Variants in CLIC4 observed in about 807,000 individuals in gnomAD.
CLIC4 encodes CLIC family member 4.
Under a neutral mutation model 24.6 loss-of-function variants are expected in CLIC4, and 13 were observed. That is an observed-to-expected ratio of 0.53 (90% CI 0.34 to 0.84). CLIC4 has a LOEUF of 0.84. CLIC4 is among the 40% of genes least tolerant of loss of function. CLIC4 has a pLI of 0.01. For missense variants in CLIC4, 227 were observed against 301.7 expected, an observed-to-expected ratio of 0.75 and a Z score of 1.83; for synonymous variants, 104 against 111.3, an observed-to-expected ratio of 0.93 and a Z score of 0.41.
intron 1 of CLIC4, among the ~76,000 whole-genome samples, chr1:24,746,086 T>A (rs1259572049): frequency 6.6e-6 from 1 of 152,090 alleles, no homozygotes; most frequent in African/African-American, 2.4e-5. Context: ...AACGAACTTC[T>A]TTGAACGCGT....
intron 1 of CLIC4, among the ~76,000 whole-genome samples, chr1:24,746,940 G>A (rs1434237124): frequency 6.6e-6 from 1 of 152,054 alleles, no homozygotes; most frequent in African/African-American, 2.4e-5. Context: ...AGTGAGCCAC[G>A]TCGCACCACT....
intron 3 of CLIC4, among the ~76,000 whole-genome samples, chr1:24,826,201 A>T (rs1639785565): frequency 6.6e-6 from 1 of 152,232 alleles, no homozygotes; most frequent in African/African-American, 2.4e-5. Flanking sequence ...TTGACAACAC[A>T]ATAGAACACT....
At chr1:24,839,744 C>T in intron 4 of CLIC4, 116 bp from the exon 5 acceptor site, 1 of 890,676 alleles carries the variant, frequency 1.1e-6, no homozygotes. Context: ...TCTACAGTAC[C>T]TTGTTTCAGA....
At chr1:24,830,671 T>C (rs1403507205) in intron 4 of CLIC4, among the ~76,000 whole-genome samples, 1 of 152,208 alleles carries the variant, frequency 6.6e-6, no homozygotes, top group Non-Finnish European at 1.5e-5. Context: ...AATTTTGCTG[T>C]GTTCTCTTAG....
At chr1:24,812,958 C>T (rs1639629470) in intron 2 of CLIC4, among the ~76,000 whole-genome samples, 1 of 151,936 alleles carries the variant, frequency 6.6e-6, no homozygotes, top group East Asian at 1.9e-4. Flanking sequence ...ACCTCATGAT[C>T]TGCCCACCTT....
chr1:24,770,976 C>T (rs764926807), intron 1 of CLIC4, among the ~76,000 whole-genome samples: 2 of 152,158 alleles, frequency 1.3e-5, no homozygotes, highest in Admixed American at 6.5e-5. Context: ...CTTCTGGTCA[C>T]AGCACATGTC....
At chr1:24,823,870 A>ATCTT (rs1322666136) in intron 3 of CLIC4, among the ~76,000 whole-genome samples, 1 of 152,078 alleles carries the variant, frequency 6.6e-6, no homozygotes, top group African/African-American at 2.4e-5. Context: ...AATGCCTGAG[A>ATCTT]TCTTTCCTAA....
chr1:24,774,738 A>C (rs1639113045), intron 1 of CLIC4, among the ~76,000 whole-genome samples: 1 of 151,826 alleles, frequency 6.6e-6, no homozygotes, highest in African/African-American at 2.4e-5. Context: ...CTGCAGTGAG[A>C]GCTGCGCTTC....
At chr1:24,781,505 T>C (rs1286984007) in intron 1 of CLIC4, among the ~76,000 whole-genome samples, 1 of 151,642 alleles carries the variant, frequency 6.6e-6, no homozygotes, top group African/African-American at 2.4e-5. Context: ...GCAGTGATCA[T>C]TTCAGGGAGG....
In CLIC4 at chr1:24,840,885, A is replaced by T; in HGVS notation, c.710A>T (p.Asp237Val). Residue 237 changes from aspartate (D) to valine (V), a missense_variant, in exon 6 of 6, where the codon GAT (aspartate) becomes GTT (valine). Physicochemically the swap from Asp to Val is radical, Grantham distance 152 (BLOSUM62 -3). Transcript: ENST00000374379. ...GAGTTCACCAATACCTGTCCCAGTG[A>T]TAAGGAGGTTGAAATAGCATATAGT... ...RDEFTNTCPS[D>V]KEVEIAYSDV... 1 of 1,612,240 alleles carries T rather than the reference A, an allele frequency of 6.2e-7. No homozygotes were observed. The highest frequency in any genetic ancestry group is 8.5e-7 in the Non-Finnish European group (1 of 1,179,158).
At chr1:24,751,212 T>G (rs1403301797) in intron 1 of CLIC4, among the ~76,000 whole-genome samples, 1 of 145,740 alleles carries the variant, frequency 6.9e-6, no homozygotes, top group East Asian at 2.0e-4. Context: ...CCAGTCTTTT[T>G]TTTTTTTTTT....
At chr1:24,807,404 C>G (rs1172860124) in intron 2 of CLIC4, among the ~76,000 whole-genome samples, 1 of 151,972 alleles carries the variant, frequency 6.6e-6, no homozygotes, top group African/African-American at 2.4e-5. Flanking sequence ...GAAGGGTGCG[C>G]TCTTACACAT....
chr1:24,813,970 G>A (rs1639643328), intron 2 of CLIC4, 124 bp from the exon 3 acceptor site: 1 of 1,085,394 alleles, frequency 9.2e-7, no homozygotes, highest in Admixed American at 2.0e-5. Flanking sequence ...TCCCACCTCA[G>A]CCTCCTGTAG....
chr1:24,812,441 GA>G (rs1228344862), intron 2 of CLIC4, among the ~76,000 whole-genome samples: 6 of 149,518 alleles, frequency 4.0e-5, no homozygotes, highest in Admixed American at 2.7e-4. Flanking sequence ...TTGCCAAAAA[GA>G]AAAAAAAAGG....
intron 1 of CLIC4, among the ~76,000 whole-genome samples, chr1:24,764,469 C>T (rs1405424498): frequency 6.6e-6 from 1 of 151,814 alleles, no homozygotes; most frequent in East Asian, 2.0e-4. Flanking sequence ...GCCTGGACAA[C>T]ATGGTGAAAC....
chr1:24,794,025 C>A (rs939264019), intron 1 of CLIC4, among the ~76,000 whole-genome samples: 1 of 152,138 alleles, frequency 6.6e-6, no homozygotes, highest in Non-Finnish European at 1.5e-5. Flanking sequence ...AATGTCAGAA[C>A]GTTCTCTTCC....
chr1:24,751,789 G>A (rs1277339992), intron 1 of CLIC4, among the ~76,000 whole-genome samples: 3 of 152,204 alleles, frequency 2.0e-5, no homozygotes, highest in Non-Finnish European at 2.9e-5. Flanking sequence ...ACTTGAACCC[G>A]GGAAGCGGAG....
intron 1 of CLIC4, among the ~76,000 whole-genome samples, chr1:24,769,801 G>A (rs1056943343): frequency 1.3e-5 from 2 of 151,726 alleles, no homozygotes; most frequent in Admixed American, 1.3e-4. Context: ...TGGTTAATTA[G>A]TATTTTATAA....
At chr1:24,788,805 C>T (rs1242994568) in intron 1 of CLIC4, among the ~76,000 whole-genome samples, 2 of 152,240 alleles carry the variant, frequency 1.3e-5, no homozygotes, top group African/African-American at 4.8e-5. Flanking sequence ...AACCTGGACA[C>T]ACTAGCAGGC....
Sources: gnomAD v4.1 joint callset for allele counts (sites outside exome capture counted in the v4.1 genomes callset) on GRCh38, gnomAD v4.1.1 for gene constraint, MANE v1.5 for transcripts, NCBI Gene and HGNC (gene_info 2026-07-23, HGNC 2026-07-21) for gene names.